The following NRL variants were observed in gnomAD, a reference collection of about 807,000 sequenced individuals.
NRL encodes the protein neural retina leucine zipper.
Under a neutral mutation model 12.5 loss-of-function variants are expected in NRL, and 16 were observed. The observed-to-expected ratio is 1.28, with a 90% CI of 0.87 to 1.95. The LOEUF is 1.95. Among genes scored for constraint, NRL ranks in the 30% most tolerant of loss-of-function variants. NRL has a pLI of 0.00. For missense variants in NRL, 314 were observed against 325.8 expected (o/e 0.96, Z 0.28); for synonymous variants, 142 against 150.9 (o/e 0.94, Z 0.43).
At position 24,085,334 on chromosome 14, in the gene NRL, G is replaced by A. The variant is rs941458822; in HGVS notation, c.-27-2459C>T. On this transcript the variant is annotated intron_variant, in intron 1 of 2. Transcript: ENST00000561028. This position sits in a 1 kb window ranked among gnomAD's most constrained non-coding sequence, Gnocchi z 4.1. Reference sequence around the variant, plus strand: ...GAAATCTAATCACCACCAGTCCGTCGGAGACACTTTTGTAACTGGCCTCAT... The same window carrying A: ...GAAATCTAATCACCACCAGTCCGTCAGAGACACTTTTGTAACTGGCCTCAT... 2.0e-5 allele frequency among the ~76,000 whole-genome samples: 3 copies of A among 152,110 alleles called. No individual in the cohort carries two copies. Among genetic ancestry groups the A allele is most frequent in the Non-Finnish European group, 4.4e-5 (3 of 68,028 alleles).
Position 24,098,614 on chromosome 14 carries a change from G to A in NRL, c.-27-15739C>T, listed in dbSNP as rs375684370. On this transcript the variant is annotated intron_variant, in intron 1 of 2. Transcript: ENST00000561028. ...CCCGACTGGGGACACCTGTGCTTCA[G>A]GCCCTGGGAGATGGTGACTTTGTCA... 2.5e-6 allele frequency: 4 copies of A among 1,613,940 alleles called. No homozygotes were observed. The African/African-American group carries it at 4.0e-5, about 16-fold the overall frequency.
chr14:24,085,826 A>G lies in NRL; in HGVS notation c.-27-2951T>C, dbSNP rs1480631342. ...CATCCATATCACCTGGGAACTTGCTAGAAATACATGTTACCTGATCTCACC... is the reference window on the plus strand; with the variant it reads ...CATCCATATCACCTGGGAACTTGCTGGAAATACATGTTACCTGATCTCACC... On this transcript the variant is annotated intron_variant, in intron 1 of 2. Coordinates refer to ENST00000561028, the MANE Select transcript of NRL (RefSeq NM_001354768.3). This position sits in a 1 kb window ranked among gnomAD's most constrained non-coding sequence, Gnocchi z 4.1. 6.6e-6 allele frequency among the ~76,000 whole-genome samples: 1 copy of G among 152,254 alleles called. No individual in the cohort carries two copies. Among genetic ancestry groups the G allele is most frequent in the African/African-American group, 2.4e-5 (1 of 41,468 alleles).
At chr14:24,091,622 G>C (rs954771829) in intron 1 of NRL, among the ~76,000 whole-genome samples, 1 of 152,114 alleles carries the variant, frequency 6.6e-6, no homozygotes, top group Non-Finnish European at 1.5e-5. Context: ...TATAGGGAGA[G>C]GGGGACTTGG....
At chr14:24,088,104 A>T (rs950312412) in intron 1 of NRL, among the ~76,000 whole-genome samples, 2 of 152,130 alleles carry the variant, frequency 1.3e-5, no homozygotes, top group East Asian at 3.9e-4. Flanking sequence ...TGTGCTTTAG[A>T]AGGCTCCACT....
intron 1 of NRL, among the ~76,000 whole-genome samples, chr14:24,087,049 C>G (rs988064913): frequency 2.0e-5 from 3 of 152,074 alleles, no homozygotes; most frequent in Non-Finnish European, 4.4e-5. Context: ...AAAGATGAAG[C>G]CAGTGTGACT....
At chr14:24,082,431 C>G (rs1164905183) in intron 2 of NRL, 37 bp downstream of exon 2, 2 of 1,610,966 alleles carry the variant, frequency 1.2e-6, no homozygotes, top group Admixed American at 3.3e-5. Context: ...TCCTTCCTTG[C>G]CCTGCCTCCC....
In NRL at chr14:24,079,003, G is replaced by A. The variant is rs978371077; in HGVS notation, c.*2233C>T. Among the ~76,000 whole-genome samples the A allele has an allele frequency of 1.3e-5, 2 of 152,086 alleles. No homozygotes were observed. The highest frequency in any genetic ancestry group is 2.9e-5 in the Non-Finnish European group (2 of 68,006). On this transcript the variant is annotated 3_prime_UTR_variant, in exon 3 of 3. Transcript: ENST00000561028. Reference sequence around the variant, plus strand: ...ATTTTTTTGTAGTGACAGGGTTCTCGCTATGTTGCCCAGGCTGGTCTCAAA... The same window carrying A: ...ATTTTTTTGTAGTGACAGGGTTCTCACTATGTTGCCCAGGCTGGTCTCAAA...
In NRL at chr14:24,094,804, C is replaced by T; in HGVS notation, c.-27-11929G>A. 1 of 1,350,728 alleles carries T rather than the reference C, an allele frequency of 7.4e-7. No homozygotes were observed. The highest frequency in any genetic ancestry group is 9.7e-7 in the Non-Finnish European group (1 of 1,028,968). 83.7% of individuals were successfully genotyped at this position (1,350,728 alleles called of 1,614,324 possible). A position where few individuals can be genotyped will look rare whatever the true frequency, so the allele number is the denominator to read the frequency against. On this transcript the variant is annotated intron_variant, in intron 1 of 2. Transcript: ENST00000561028. This position sits in a 1 kb window ranked among gnomAD's most constrained non-coding sequence, Gnocchi z 4.1. The stretch of plus-strand genomic sequence containing the variant: ...ACCTCTAACGGGCTCTCAGCCAGCG[C>T]CCCAGGGTACTTCGAGAGGCAGCAG...
In NRL at chr14:24,079,767, C is replaced by T. The variant is rs949668801; in HGVS notation, c.*1469G>A. ...ATGACAGTAACTCGTGAGGCGGCTG[C>T]TCCCAGCACAACGCCTGTGCTCTGC... On this transcript the variant is annotated 3_prime_UTR_variant, in exon 3 of 3. Coordinates refer to ENST00000561028, the MANE Select transcript of NRL (RefSeq NM_001354768.3). 7.2e-5 allele frequency among the ~76,000 whole-genome samples: 11 copies of T among 152,192 alleles called. No homozygotes were observed. Among genetic ancestry groups the T allele is most frequent in the African/African-American group, 2.7e-4 (11 of 41,436 alleles).
chr14:24,103,171 G>C (rs761165843), intron 1 of NRL: 2 of 1,613,442 alleles, frequency 1.2e-6, no homozygotes, highest in Non-Finnish European at 1.7e-6. Context: ...GGTACCCCTG[G>C]TATACGAGGC....
rs1566559827 is a variant in NRL at position 24,081,730 on chromosome 14, GC to G, written c.382-163del. 5.3e-6 allele frequency: 8 copies of G among 1,521,316 alleles called. No homozygotes were observed. The East Asian group carries it at 2.0e-4, about 38-fold the overall frequency. The allele number at this position is 1,521,316 out of a possible 1,614,324, so 94.2% of individuals were successfully genotyped here. On this transcript the variant is annotated intron_variant, in intron 2 of 2. Coordinates refer to ENST00000561028, the MANE Select transcript of NRL (RefSeq NM_001354768.3). This position sits in a 1 kb window ranked among gnomAD's most constrained non-coding sequence, Gnocchi z 4.4. ...CGCAGTCTGTTTCGGTCCAGAGCCC[GC>G]CCCAGGCCCCGACGCTCCCCGGGCC...
rs953755697 is a variant in NRL, at chr14:24,081,602, C to T, written c.382-34G>A. The T allele has an allele frequency of 6.4e-7, 1 of 1,560,822 alleles. No homozygotes were observed. Among genetic ancestry groups the T allele is most frequent in the South Asian group, 1.2e-5 (1 of 84,938 alleles). On this transcript the variant is annotated intron_variant, in intron 2 of 2. Coordinates refer to ENST00000561028, the MANE Select transcript of NRL (RefSeq NM_001354768.3). The surrounding 1 kb of genome is among the most constrained non-coding windows in gnomAD (Gnocchi z 4.4). ...GGAGAATGCAGAAACCGGGTCAGCG[C>T]CAGGTCGCACCCGGCTCTGCCCTGA... is the stretch of plus-strand genomic sequence containing the variant.
intron 1 of NRL, among the ~76,000 whole-genome samples, chr14:24,092,543 C>T (rs944552549): frequency 6.6e-6 from 1 of 152,098 alleles, no homozygotes; most frequent in African/African-American, 2.4e-5. Flanking sequence ...CAAAGGTTGG[C>T]CAAGAGGTAT....
chr14:24,103,046 A>C (rs2037227431), intron 1 of NRL: 37 of 1,193,940 alleles, frequency 3.1e-5, no homozygotes, highest in Non-Finnish European at 4.1e-5. Context: ...AAAGGGTCTG[A>C]AAATGGGATA....
intron 1 of NRL, among the ~76,000 whole-genome samples, chr14:24,089,274 G>T (rs1444125754): frequency 6.6e-6 from 1 of 151,560 alleles, no homozygotes; most frequent in East Asian, 2.0e-4. Flanking sequence ...TTGAGACAGG[G>T]TCTCGCTCTG....
At chr14:24,114,625 G>C (rs2037493588) in intron 1 of NRL, 97 bp downstream of exon 1, 1 of 953,856 alleles carries the variant, frequency 1.0e-6, no homozygotes, top group Non-Finnish European at 1.2e-6. Context: ...CAGGAAGCTG[G>C]CAGTTCCCAC....
At chr14:24,098,903 G>T in intron 1 of NRL, 1 of 740,258 alleles carries the variant, frequency 1.4e-6, no homozygotes, top group East Asian at 2.5e-5. Flanking sequence ...GGAAGCTGAT[G>T]GTTATTATGA....
intron 1 of NRL, among the ~76,000 whole-genome samples, chr14:24,109,133 G>A (rs2037381145): frequency 6.6e-6 from 1 of 152,200 alleles, no homozygotes; most frequent in Non-Finnish European, 1.5e-5. Context: ...GTGGCTTTAA[G>A]TGACTTTAAG....
chr14:24,101,321 C>T (rs1388055365), intron 1 of NRL, among the ~76,000 whole-genome samples: 4 of 152,192 alleles, frequency 2.6e-5, no homozygotes, highest in African/African-American at 4.8e-5. Flanking sequence ...TCTGCAATGG[C>T]GGGCAGAAGC....
Sources: allele counts gnomAD v4.1 joint callset (sites outside exome capture counted in the v4.1 genomes callset), GRCh38; gene constraint gnomAD v4.1.1; non-coding constraint Gnocchi (gnomAD v3.1); transcripts MANE v1.5; gene names NCBI Gene and HGNC (gene_info 2026-07-23, HGNC 2026-07-21).